ARHGAP35: variants seen among roughly 807,000 people sequenced by gnomAD.
ARHGAP35 encodes the protein rho GTPase-activating protein 35.
Under a neutral mutation model 111.1 loss-of-function variants are expected in ARHGAP35, and 15 were observed. The observed-to-expected ratio is 0.13, with a 90% CI of 0.09 to 0.21. The LOEUF is 0.21. Ranked by LOEUF, ARHGAP35 falls within the 10% of genes least tolerant of loss-of-function variation. The pLI, the probability that ARHGAP35 is intolerant of heterozygous loss-of-function variation, is 1.00. For missense variants in ARHGAP35, 1,262 were observed against 1,873.0 expected (o/e 0.67, Z 6.02); for synonymous variants, 643 against 710.3 (o/e 0.91, Z 1.51).
In ARHGAP35 at chr19:46,921,150, A is replaced by G; in HGVS notation, c.2475A>G (p.Pro825=). The G allele has an allele frequency of 1.2e-6, 2 of 1,614,050 alleles. No individual in the cohort carries two copies. The highest frequency in any genetic ancestry group is 1.7e-6 in the Non-Finnish European group (2 of 1,179,912). Residue 825 remains proline (P), a synonymous_variant, in exon 2 of 7, where the codon CCA becomes CCG. Transcript: ENST00000672722. This position sits in a 1 kb window ranked among gnomAD's most constrained non-coding sequence, Gnocchi z 4.3. The part of the protein sequence containing the change: ...GSNNSVLLEL[P]IGLHKKRIEL... Reference sequence around the variant, plus strand: ...ACAACTCTGTTTTACTTGAACTACCAATCGGACTGCACAAGAAGCGGATTG... The same window carrying G: ...ACAACTCTGTTTTACTTGAACTACCGATCGGACTGCACAAGAAGCGGATTG...
intron 3 of ARHGAP35, among the ~76,000 whole-genome samples, chr19:46,952,576 C>CT (rs1467007793): frequency 6.6e-6 from 1 of 152,246 alleles, no homozygotes; most frequent in Non-Finnish European, 1.5e-5. Flanking sequence ...TGGCTAAACT[C>CT]TTTCACATTG....
chr19:46,965,327 C>A (rs1286733175), intron 3 of ARHGAP35, among the ~76,000 whole-genome samples: 2 of 152,070 alleles, frequency 1.3e-5, no homozygotes, highest in Non-Finnish European at 2.9e-5. Flanking sequence ...AAAAAAGAGT[C>A]TTTTCTAAGA....
intron 1 of ARHGAP35, among the ~76,000 whole-genome samples, chr19:46,905,960 A>G (rs986617686): frequency 6.6e-6 from 1 of 151,496 alleles, no homozygotes; most frequent in Non-Finnish European, 1.5e-5. Flanking sequence ...CTGGGATTAC[A>G]GGCGTGAGCC....
chr19:46,870,467 T>C (rs1051293636), intron 1 of ARHGAP35, among the ~76,000 whole-genome samples: 5 of 151,746 alleles, frequency 3.3e-5, no homozygotes, highest in African/African-American at 1.2e-4. Context: ...TAGTCCCAGC[T>C]ACTCAGGAGG....
At position 46,999,292 on chromosome 19, in the gene ARHGAP35, C is replaced by G. The variant is rs1240388661; in HGVS notation, c.4037-12C>G. 1 of 1,565,992 alleles carries G rather than the reference C, an allele frequency of 6.4e-7. No individual in the cohort carries two copies. Among genetic ancestry groups the G allele is most frequent in the Non-Finnish European group, 8.7e-7 (1 of 1,153,510 alleles). ...CCATGAAAGGCAAGGCTTTGGTTTT[C>G]TCTCTCCTCAGAAATCAACGACCGG... On this transcript the variant is annotated splice_polypyrimidine_tract_variant and intron_variant, in intron 5 of 6. Transcript: ENST00000672722. The surrounding 1 kb of genome is among the most constrained non-coding windows in gnomAD (Gnocchi z 5.4).
At chr19:46,966,749 G>A (rs931059070) in intron 3 of ARHGAP35, among the ~76,000 whole-genome samples, 1 of 152,150 alleles carries the variant, frequency 6.6e-6, no homozygotes, top group Non-Finnish European at 1.5e-5. Flanking sequence ...TCAAGTACAA[G>A]GCATTTTTGA....
At chr19:46,869,318 G>A (rs543568315) in intron 1 of ARHGAP35, among the ~76,000 whole-genome samples, 5 of 152,254 alleles carry the variant, frequency 3.3e-5, no homozygotes, top group Middle Eastern at 3.4e-3. Context: ...TTGGCCAGGC[G>A]TGGTGGCTCA....
chr19:46,996,046 C>T (rs973199883), intron 5 of ARHGAP35, among the ~76,000 whole-genome samples: 3 of 152,188 alleles, frequency 2.0e-5, no homozygotes, highest in African/African-American at 4.8e-5. Flanking sequence ...CCTCACTAGG[C>T]GTTCGGCTGA....
chr19:46,957,604 C>A (rs1345670420), intron 3 of ARHGAP35, among the ~76,000 whole-genome samples: 1 of 152,090 alleles, frequency 6.6e-6, no homozygotes, highest in Non-Finnish European at 1.5e-5. Flanking sequence ...AGAGTTAAAC[C>A]CTATCTCAAA....
At chr19:46,967,015 G>A (rs1328074780) in intron 3 of ARHGAP35, among the ~76,000 whole-genome samples, 1 of 152,180 alleles carries the variant, frequency 6.6e-6, no homozygotes, top group African/African-American at 2.4e-5. Context: ...AGAGTCAGGT[G>A]TAGAGGTGAG....
chr19:46,968,419 T>C (rs1233871850), intron 3 of ARHGAP35, among the ~76,000 whole-genome samples: 2 of 152,178 alleles, frequency 1.3e-5, no homozygotes, highest in African/African-American at 4.8e-5. Context: ...GCAAGGCTAA[T>C]GGGAAGCCTG....
intron 5 of ARHGAP35, among the ~76,000 whole-genome samples, chr19:46,995,789 G>C (rs896967616): frequency 3.9e-5 from 6 of 152,246 alleles, no homozygotes; most frequent in Admixed American, 6.5e-5. Flanking sequence ...CCTAGAGTAG[G>C]TCCCTCCCCA....
At chr19:46,888,584 A>G (rs1243655587) in intron 1 of ARHGAP35, among the ~76,000 whole-genome samples, 1 of 151,472 alleles carries the variant, frequency 6.6e-6, no homozygotes. Context: ...CAGGGGTCCA[A>G]TTTAGGAAAA....
chr19:46,924,518 C>T (rs550436014), intron 2 of ARHGAP35, among the ~76,000 whole-genome samples: 1 of 152,328 alleles, frequency 6.6e-6, no homozygotes, highest in South Asian at 2.1e-4. Context: ...GTCTGATTTT[C>T]CTTTGCCTGG....
chr19:46,963,475 T>C (rs1599850774), intron 3 of ARHGAP35, among the ~76,000 whole-genome samples: 1 of 152,288 alleles, frequency 6.6e-6, no homozygotes, highest in South Asian at 2.1e-4. Flanking sequence ...TCCTCCACAC[T>C]GGCCTCAGCA....
intron 3 of ARHGAP35, among the ~76,000 whole-genome samples, chr19:46,943,125 C>T (rs2056359029): frequency 6.6e-6 from 1 of 152,036 alleles, no homozygotes; most frequent in Non-Finnish European, 1.5e-5. Flanking sequence ...ACGGCAGCCT[C>T]TAACTCCTAG....
intron 1 of ARHGAP35, among the ~76,000 whole-genome samples, chr19:46,874,415 A>C (rs765041535): frequency 6.6e-6 from 1 of 152,064 alleles, no homozygotes; most frequent in Non-Finnish European, 1.5e-5. Context: ...CAATGCAAGA[A>C]TGCATTGACT....
intron 5 of ARHGAP35, among the ~76,000 whole-genome samples, chr19:46,998,161 C>T (rs1422162631): frequency 2.0e-5 from 3 of 152,084 alleles, no homozygotes; most frequent in Non-Finnish European, 4.4e-5. Flanking sequence ...GCACCCCTCC[C>T]GGATTCATCA....
Position 46,889,328 on chromosome 19 carries a change from G to A in ARHGAP35, c.-189+28119G>A, listed in dbSNP as rs144539225. Among the ~76,000 whole-genome samples the A allele has an allele frequency of 2.1e-3, 315 of 151,336 alleles. 3 individuals are homozygous for A. The highest frequency in any genetic ancestry group is 7.0e-3 in the African/African-American group (289 of 41,270). On this transcript the variant is annotated intron_variant, in intron 1 of 6. Transcript: ENST00000672722. Reference sequence around the variant, plus strand: ...AAAATACAAAAGTTGGTGTGGTGGCGTGTGCCTGTAGTCCCAGCTACTCAG... The same window carrying A: ...AAAATACAAAAGTTGGTGTGGTGGCATGTGCCTGTAGTCCCAGCTACTCAG...
Sources: allele counts gnomAD v4.1 joint callset (sites outside exome capture counted in the v4.1 genomes callset), GRCh38; gene constraint gnomAD v4.1.1; non-coding constraint Gnocchi (gnomAD v3.1); transcripts MANE v1.5; gene names NCBI Gene and HGNC (gene_info 2026-07-23, HGNC 2026-07-21).